Variants in ELMO1 observed in about 807,000 individuals in gnomAD.
The protein encoded by ELMO1 is engulfment and cell motility protein 1.
ELMO1 carries 26 observed loss-of-function variants against 98.9 expected under a neutral mutation model. That is an observed-to-expected ratio of 0.26 (90% CI 0.19 to 0.36). ELMO1 has a LOEUF of 0.36. Among genes scored for constraint, ELMO1 ranks in the 10% least tolerant of loss-of-function variants. ELMO1 has a pLI of 1.00. For missense variants in ELMO1, 627 were observed against 935.2 expected (o/e 0.67, Z 4.30); for synonymous variants, 346 against 346.0 (o/e 1.00, Z 0.00).
intron 1 of ELMO1, among the ~76,000 whole-genome samples, chr7:37,389,720 TCTC>T (rs1802982976): frequency 6.6e-6 from 1 of 152,144 alleles, no homozygotes. Flanking sequence ...GAAATCCAGT[TCTC>T]CTTTAACCAT....
At chr7:36,979,285 T>C (rs7792446) in intron 16 of ELMO1, among the ~76,000 whole-genome samples, 5,805 of 152,302 alleles carry the variant, frequency 0.038, 317 homozygotes, top group African/African-American at 0.12. Flanking sequence ...ATACATATTA[T>C]AATTTACTAA....
At chr7:37,358,551 C>T (rs549730309) in intron 1 of ELMO1, among the ~76,000 whole-genome samples, 1 of 152,270 alleles carries the variant, frequency 6.6e-6, no homozygotes, top group African/African-American at 2.4e-5. Flanking sequence ...GTAATGGGTA[C>T]AGATTCTGGG....
intron 4 of ELMO1, among the ~76,000 whole-genome samples, chr7:37,292,703 T>C (rs1797774301): frequency 1.4e-5 from 1 of 69,422 alleles, no homozygotes; most frequent in Non-Finnish European, 3.2e-5. Context: ...GAGGAGCGTC[T>C]CCGCCCGGCA....
chr7:37,201,973 C>A (rs1362995153), intron 13 of ELMO1, among the ~76,000 whole-genome samples: 1 of 152,204 alleles, frequency 6.6e-6, no homozygotes, highest in South Asian at 2.1e-4. Flanking sequence ...GCAGCCTGAA[C>A]CATCCCAGGT....
At chr7:37,064,497 G>A (rs998334863) in intron 15 of ELMO1, among the ~76,000 whole-genome samples, 5 of 152,228 alleles carry the variant, frequency 3.3e-5, no homozygotes, top group South Asian at 2.1e-4. Context: ...TCTGTGCCTC[G>A]GATTCCTCAT....
chr7:37,444,196 T>C (rs1424171426), intron 1 of ELMO1, among the ~76,000 whole-genome samples: 1 of 152,192 alleles, frequency 6.6e-6, no homozygotes, highest in Non-Finnish European at 1.5e-5. Flanking sequence ...TAATCATGCA[T>C]CCCAGCAGTG....
chr7:37,281,080 T>C (rs1377047487), intron 4 of ELMO1, among the ~76,000 whole-genome samples: 1 of 151,606 alleles, frequency 6.6e-6, no homozygotes, highest in Admixed American at 6.6e-5. Context: ...GTTAACAGCA[T>C]TTTCAGCGAC....
intron 15 of ELMO1, among the ~76,000 whole-genome samples, chr7:37,056,270 C>T (rs1263966400): frequency 6.6e-6 from 1 of 152,222 alleles, no homozygotes; most frequent in Non-Finnish European, 1.5e-5. Context: ...ACAACAGTTG[C>T]AGTTTCTTTT....
chr7:37,383,388 C>T (rs1297627670), intron 1 of ELMO1, among the ~76,000 whole-genome samples: 3 of 152,210 alleles, frequency 2.0e-5, no homozygotes, highest in Non-Finnish European at 4.4e-5. Flanking sequence ...TTTTGGCAGA[C>T]CTATCACGGG....
At chr7:36,989,693 A>G (rs963830937) in intron 16 of ELMO1, among the ~76,000 whole-genome samples, 23 of 152,170 alleles carry the variant, frequency 1.5e-4, no homozygotes, top group East Asian at 1.9e-4. Context: ...ATCCAAAGTT[A>G]AAGTGGAGGG....
intron 16 of ELMO1, among the ~76,000 whole-genome samples, chr7:36,958,657 A>T (rs891447143): frequency 6.6e-6 from 1 of 152,174 alleles, no homozygotes; most frequent in Non-Finnish European, 1.5e-5. Context: ...GAAACAGCTG[A>T]TAATGGCCTC....
At chr7:36,915,329 C>G (rs548958962) in intron 16 of ELMO1, among the ~76,000 whole-genome samples, 1 of 152,222 alleles carries the variant, frequency 6.6e-6, no homozygotes, top group African/African-American at 2.4e-5. Flanking sequence ...CAGAACACTA[C>G]TCATAATATA....
At chr7:36,935,746 T>G (rs1184450901) in intron 16 of ELMO1, among the ~76,000 whole-genome samples, 2 of 152,106 alleles carry the variant, frequency 1.3e-5, no homozygotes, top group Non-Finnish European at 2.9e-5. Context: ...TCTAATAAGC[T>G]AAGACTACAC....
intron 15 of ELMO1, among the ~76,000 whole-genome samples, chr7:37,057,797 A>G (rs1165485413): frequency 6.6e-6 from 1 of 152,218 alleles, no homozygotes; most frequent in Non-Finnish European, 1.5e-5. Flanking sequence ...GGTTTAGAGG[A>G]GGGGAGTACT....
At chr7:37,191,580 T>C (rs1791579929) in intron 13 of ELMO1, among the ~76,000 whole-genome samples, 1 of 152,126 alleles carries the variant, frequency 6.6e-6, no homozygotes, top group African/African-American at 2.4e-5. Flanking sequence ...CATAAATATA[T>C]AGGAGAATGT....
intron 1 of ELMO1, among the ~76,000 whole-genome samples, chr7:37,416,098 T>C (rs1804202098): frequency 1.3e-5 from 2 of 152,216 alleles, no homozygotes; most frequent in African/African-American, 4.8e-5. Flanking sequence ...CAGAAATAAA[T>C]GAACTAACTA....
Position 37,211,422 on chromosome 7 carries a change from G to A in ELMO1, c.1050C>T (p.Ser350=), listed in dbSNP as rs779629143. The change falls in exon 13 of 22, where the codon TCC becomes TCT. Residue 350 remains serine, a synonymous_variant. Transcript: ENST00000310758. ...GCTTCTTATAATCTCGCGTGTACATGGACTTGCGTTTCTCCATGCTGCCAC... is the reference window on the plus strand; with the variant it reads ...GCTTCTTATAATCTCGCGTGTACATAGACTTGCGTTTCTCCATGCTGCCAC... ...NSSGSMEKRK[S]MYTRDYKKLG... 2 of 1,613,902 alleles carry A rather than the reference G, an allele frequency of 1.2e-6. No homozygotes were observed. Among genetic ancestry groups the A allele is most frequent in the East Asian group, 4.5e-5 (2 of 44,866 alleles).
intron 14 of ELMO1, among the ~76,000 whole-genome samples, chr7:37,104,042 A>AAG (rs1442557714): frequency 7.2e-6 from 1 of 138,320 alleles, no homozygotes; most frequent in Non-Finnish European, 1.5e-5. Context: ...AAAAAAAAAA[A>AAG]AGAACAGAGA....
At chr7:37,037,173 C>A (rs887314667) in intron 15 of ELMO1, among the ~76,000 whole-genome samples, 6 of 152,168 alleles carry the variant, frequency 3.9e-5, no homozygotes, top group Non-Finnish European at 2.9e-5. Context: ...TGGTGACTTT[C>A]CTATATAAAA....
Sources: allele counts gnomAD v4.1 joint callset (sites outside exome capture counted in the v4.1 genomes callset), GRCh38; gene constraint gnomAD v4.1.1; transcripts MANE v1.5; gene names NCBI Gene and HGNC (gene_info 2026-07-23, HGNC 2026-07-21).